The following ITPR1 variants were observed in gnomAD, a reference collection of about 807,000 sequenced individuals.
ITPR1 encodes inositol 1,4,5-trisphosphate-gated calcium channel ITPR1.
In ITPR1, 96 loss-of-function variants were observed where a neutral mutation model predicts 318.4. The ratio of observed to expected loss-of-function variants is 0.30; its 90% CI spans 0.26 to 0.36. The LOEUF (loss-of-function observed/expected upper bound fraction) is 0.36, where lower values mean the gene tolerates loss of function less well. ITPR1 is among the 10% of genes least tolerant of loss of function. ITPR1 has a pLI of 1.00. For missense variants in ITPR1, 2,440 were observed against 3,460.2 expected (o/e 0.71, Z 7.40); for synonymous variants, 1,312 against 1,289.9 (o/e 1.02, Z -0.37).
At chr3:4,610,970 TC>T (rs2092053622) in intron 4 of ITPR1, among the ~76,000 whole-genome samples, 2 of 68,610 alleles carry the variant, frequency 2.9e-5, no homozygotes, top group African/African-American at 1.3e-4. Context: ...CCTTCCCCCT[TC>T]CCCCTCCTTC....
At chr3:4,776,170 A>G (rs962130071) in intron 47 of ITPR1, among the ~76,000 whole-genome samples, 26 of 152,152 alleles carry the variant, frequency 1.7e-4, no homozygotes, top group African/African-American at 6.0e-4. Context: ...CCTGGATTCA[A>G]GCGATTCTTC....
In ITPR1 at chr3:4,661,095, C is replaced by G; in HGVS notation, c.1251+8C>G. The G allele has an allele frequency of 6.5e-7, 1 of 1,529,528 alleles. No homozygotes were observed. Among genetic ancestry groups the G allele is most frequent in the Non-Finnish European group, 9.1e-7 (1 of 1,103,482 alleles). The allele number at this position is 1,529,528 out of a possible 1,614,324, so 94.7% of individuals were successfully genotyped here. On this transcript the variant is annotated splice_region_variant and intron_variant, in intron 14 of 61. Coordinates refer to ENST00000649015, the MANE Select transcript of ITPR1 (RefSeq NM_001378452.1). The stretch of plus-strand genomic sequence containing the variant: ...AAGCCCGTGATGCTGAAAGTAAGTC[C>G]TGGGACTTGCCTGTCTCCTTTTGGT...
intron 46 of ITPR1, among the ~76,000 whole-genome samples, chr3:4,770,003 A>G (rs978943172): frequency 5.3e-5 from 8 of 152,102 alleles, no homozygotes; most frequent in South Asian, 2.1e-4. Context: ...TTTTGCCTGA[A>G]TGGTGTGAGG....
intron 33 of ITPR1, among the ~76,000 whole-genome samples, chr3:4,695,847 G>T (rs2094549221): frequency 6.6e-6 from 1 of 152,056 alleles, no homozygotes. Flanking sequence ...CCAGCTTTTG[G>T]CTGTTAGGAT....
intron 37 of ITPR1, among the ~76,000 whole-genome samples, chr3:4,707,492 A>G (rs2094784680): frequency 6.6e-6 from 1 of 152,168 alleles, no homozygotes; most frequent in Non-Finnish European, 1.5e-5. Context: ...GAGACAAGTG[A>G]AAACTTTATT....
intron 5 of ITPR1, among the ~76,000 whole-genome samples, chr3:4,632,647 G>T (rs1324739355): frequency 1.3e-5 from 2 of 152,094 alleles, no homozygotes; most frequent in Admixed American, 6.6e-5. Context: ...AAAAGAAATG[G>T]CTCAGGCTGG....
At chr3:4,623,032 T>G (rs745309796) in intron 4 of ITPR1, among the ~76,000 whole-genome samples, 4 of 152,252 alleles carry the variant, frequency 2.6e-5, no homozygotes, top group Non-Finnish European at 5.9e-5. Context: ...ACTTGGTCAC[T>G]GACATGGATA....
rs1362326553 is a variant in ITPR1, at chr3:4,624,679, A to AC, written c.164-3084_164-3083insC. ...AGCCAGGCTCTGTCTCCAAAAAAAA[A>AC]AAAAAAAAAAAAAAGATTAAACTAT... On this transcript the variant is annotated intron_variant, in intron 4 of 61. Transcript: ENST00000649015. Among the ~76,000 whole-genome samples, 272 of 149,088 alleles carry AC rather than the reference A, an allele frequency of 1.8e-3. 1 individual carries two copies. The highest frequency in any genetic ancestry group is 6.8e-3 in the African/African-American group (262 of 38,764).
At position 4,836,838 on chromosome 3, in the gene ITPR1, G is replaced by A; in HGVS notation, c.8093G>A (p.Gly2698Glu). The change falls in exon 61 of 62, where the codon GGA becomes GAA. Residue 2698 changes from glycine (G) to glutamate (E), a missense_variant. Gly to Glu is a moderately conservative substitution (Grantham distance 98). This residue lies in a region of ITPR1 where 72 missense variants were observed against 197.7 expected (regional missense o/e 0.36). Transcript: ENST00000649015. ...TCATTGGTCAGCAGTGATTCTGAAG[G>A]AGAACAGAATGAGCTGAGAAACCTG... ...AMSLVSSDSE[G>E]EQNELRNLQE... 6.3e-7 allele frequency: 1 copy of A among 1,578,238 alleles called. No individual in the cohort carries two copies. The highest frequency in any genetic ancestry group is 2.3e-5 in the East Asian group (1 of 44,320).
intron 17 of ITPR1, among the ~76,000 whole-genome samples, chr3:4,666,515 C>G (rs527892108): frequency 8.5e-5 from 13 of 152,198 alleles, no homozygotes; most frequent in Non-Finnish European, 1.9e-4. Context: ...GATTAGACAT[C>G]TTTGCTTAGT....
At chr3:4,694,442 T>C (rs1319617565) in intron 33 of ITPR1, among the ~76,000 whole-genome samples, 1 of 135,776 alleles carries the variant, frequency 7.4e-6, no homozygotes, top group African/African-American at 2.6e-5. Flanking sequence ...TATCATATAA[T>C]GTTTTTAGGT....
chr3:4,696,828 G>A (rs1262924818), intron 33 of ITPR1, among the ~76,000 whole-genome samples: 2 of 151,734 alleles, frequency 1.3e-5, no homozygotes, highest in Admixed American at 1.3e-4. Flanking sequence ...GTCCCAACTT[G>A]GGCCCATTTA....
chr3:4,511,519 G>A (rs1386719939), intron 2 of ITPR1, among the ~76,000 whole-genome samples: 1 of 152,214 alleles, frequency 6.6e-6, no homozygotes, highest in Non-Finnish European at 1.5e-5. Context: ...ATGGTGGTGG[G>A]TGGCGGTCTG....
chr3:4,605,294 TC>T (rs2091624998), intron 4 of ITPR1, among the ~76,000 whole-genome samples: 1 of 152,098 alleles, frequency 6.6e-6, no homozygotes, highest in Non-Finnish European at 1.5e-5. Flanking sequence ...TTTTAAAATG[TC>T]CTGGTCATGA....
intron 35 of ITPR1, among the ~76,000 whole-genome samples, chr3:4,701,846 T>C (rs2094659437): frequency 6.6e-6 from 1 of 152,208 alleles, no homozygotes; most frequent in Non-Finnish European, 1.5e-5. Context: ...TCAGGGAGGT[T>C]CTGAATTTTT....
chr3:4,522,465 T>A (rs1184956393), intron 4 of ITPR1, among the ~76,000 whole-genome samples: 1 of 152,184 alleles, frequency 6.6e-6, no homozygotes, highest in East Asian at 1.9e-4. Flanking sequence ...TGGTGTTGAG[T>A]TGCATCCAGT....
At chr3:4,654,754 T>A (rs1445925393) in intron 12 of ITPR1, among the ~76,000 whole-genome samples, 1 of 152,138 alleles carries the variant, frequency 6.6e-6, no homozygotes, top group Admixed American at 6.5e-5. Flanking sequence ...ATGAAGGGAA[T>A]TGGGTGAAGG....
chr3:4,789,126 C>T (rs1010818011), intron 52 of ITPR1, among the ~76,000 whole-genome samples: 9 of 152,206 alleles, frequency 5.9e-5, no homozygotes, highest in Non-Finnish European at 1.3e-4. Context: ...CACTTCCAGC[C>T]CCGCTGTACT....
At chr3:4,808,083 A>T (rs2048703563) in intron 55 of ITPR1, among the ~76,000 whole-genome samples, 1 of 152,226 alleles carries the variant, frequency 6.6e-6, no homozygotes, top group African/African-American at 2.4e-5. Flanking sequence ...GGCCAGTGCC[A>T]GTGCCTGACG....
Sources: allele counts gnomAD v4.1 joint callset (sites outside exome capture counted in the v4.1 genomes callset), GRCh38; gene constraint gnomAD v4.1.1; regional missense constraint gnomAD v4.1.1; transcripts MANE v1.5; gene names NCBI Gene and HGNC (gene_info 2026-07-23, HGNC 2026-07-21).